Variants in RTF1 observed in about 807,000 individuals in gnomAD.
RTF1 encodes RTF1 homolog, Paf1/RNA polymerase II complex component.
RTF1 carries 10 observed loss-of-function variants against 95.7 expected under a neutral mutation model. The observed-to-expected ratio is 0.10, with a 90% CI of 0.06 to 0.18. The LOEUF is 0.18. Ranked by LOEUF, RTF1 falls within the 10% of genes least tolerant of loss-of-function variation. RTF1 has a pLI of 1.00. For synonymous variants in RTF1, 305 were observed against 311.8 expected (o/e 0.98, Z 0.23); for missense variants, 458 against 875.6 (o/e 0.52, Z 6.02).
chr15:41,466,279 T>C, intron 6 of RTF1, 27 bp downstream of exon 6: 1 of 1,416,998 alleles, frequency 7.1e-7, no homozygotes, highest in Non-Finnish European at 9.5e-7. Context: ...TAATGGCTAC[T>C]TGTGTCTTTA....
At chr15:41,432,149 T>C (rs907129620) in intron 1 of RTF1, among the ~76,000 whole-genome samples, 2 of 151,404 alleles carry the variant, frequency 1.3e-5, no homozygotes, top group African/African-American at 4.9e-5. Flanking sequence ...ATTGTACTTA[T>C]CAGATGCAGT....
Position 41,480,847 on chromosome 15 carries a change from A to G in RTF1, c.*160A>G. 1 of 621,024 alleles carries G rather than the reference A, an allele frequency of 1.6e-6. No homozygotes were observed. Among genetic ancestry groups the G allele is most frequent in the East Asian group, 2.8e-5 (1 of 36,206 alleles). The allele number at this position is 621,024 out of a possible 1,614,324, so 38.5% of individuals were successfully genotyped here. A position where few individuals can be genotyped will look rare whatever the true frequency, so the allele number is the denominator to read the frequency against. ...GTAATATAAACCATTTGCTGTATAGACCTCCTTTGTCTGCACACCATCTCC... is the reference window on the plus strand; with the variant it reads ...GTAATATAAACCATTTGCTGTATAGGCCTCCTTTGTCTGCACACCATCTCC... On this transcript the variant is annotated 3_prime_UTR_variant, in exon 18 of 18. Coordinates refer to ENST00000389629, the MANE Select transcript of RTF1 (RefSeq NM_015138.5).
intron 6 of RTF1, among the ~76,000 whole-genome samples, chr15:41,467,841 A>G (rs930955392): frequency 2.6e-5 from 4 of 152,138 alleles, no homozygotes; most frequent in Non-Finnish European, 4.4e-5. Flanking sequence ...CCTGGCCAAC[A>G]TGGTGCAAGC....
intron 2 of RTF1, among the ~76,000 whole-genome samples, chr15:41,439,198 A>AT (rs905615953): frequency 2.5e-4 from 36 of 146,516 alleles, no homozygotes; most frequent in African/African-American, 5.7e-4. Flanking sequence ...GGCCTGGCTA[A>AT]TTTTTTTTTT....
chr15:41,462,901 G>A (rs370104352), intron 4 of RTF1, among the ~76,000 whole-genome samples: 3 of 151,908 alleles, frequency 2.0e-5, no homozygotes, highest in African/African-American at 4.8e-5. Flanking sequence ...GACTATAGGC[G>A]TGTGCCACCA....
intron 4 of RTF1, among the ~76,000 whole-genome samples, chr15:41,463,484 TTTG>T (rs754638614): frequency 1.3e-5 from 2 of 152,158 alleles, no homozygotes; most frequent in African/African-American, 4.8e-5. Flanking sequence ...TTTTCCTTTT[TTTG>T]TTGTTGTTGA....
At chr15:41,477,970 G>A (rs1251463280) in intron 14 of RTF1, among the ~76,000 whole-genome samples, 1 of 152,114 alleles carries the variant, frequency 6.6e-6, no homozygotes, top group Non-Finnish European at 1.5e-5. Context: ...GCCGGACATG[G>A]TGGTGCACGC....
chr15:41,461,158 T>C (rs1441421281), intron 4 of RTF1, among the ~76,000 whole-genome samples: 1 of 151,770 alleles, frequency 6.6e-6, no homozygotes, highest in African/African-American at 2.4e-5. Flanking sequence ...TTCTCCTGCC[T>C]CAGCCTCCCC....
chr15:41,460,038 A>G (rs1379726593), intron 4 of RTF1, among the ~76,000 whole-genome samples: 3 of 151,800 alleles, frequency 2.0e-5, no homozygotes, highest in African/African-American at 7.3e-5. Context: ...GACCATATTA[A>G]GTATGCTGAG....
At chr15:41,469,508 C>T (rs960641970) in intron 6 of RTF1, among the ~76,000 whole-genome samples, 8 of 151,424 alleles carry the variant, frequency 5.3e-5, no homozygotes, top group Non-Finnish European at 1.0e-4. Flanking sequence ...AGGCATGAGT[C>T]ACCATGCCTG....
intron 1 of RTF1, among the ~76,000 whole-genome samples, chr15:41,427,198 C>T (rs1238354178): frequency 7.1e-6 from 1 of 140,326 alleles, no homozygotes; most frequent in Admixed American, 7.5e-5. Flanking sequence ...GTTGCCCAGG[C>T]CGGAGTGCAG....
chr15:41,444,926 TTTTA>T (rs1211563245), intron 2 of RTF1, among the ~76,000 whole-genome samples: 1 of 151,970 alleles, frequency 6.6e-6, no homozygotes, highest in African/African-American at 2.4e-5. Flanking sequence ...TTTTATTTTA[TTTTA>T]TTTATTTATT....
intron 8 of RTF1, 97 bp downstream of exon 8, chr15:41,471,446 C>A: frequency 7.9e-7 from 1 of 1,261,634 alleles, no homozygotes; most frequent in Non-Finnish European, 1.1e-6. Context: ...ACTCTTCTCT[C>A]AGCATTTGAT....
At chr15:41,425,435 A>T (rs2050624166) in intron 1 of RTF1, among the ~76,000 whole-genome samples, 1 of 151,942 alleles carries the variant, frequency 6.6e-6, no homozygotes, top group Non-Finnish European at 1.5e-5. Context: ...GAGACTTTGG[A>T]GTTTATTCTG....
At position 41,477,579 on chromosome 15, in the gene RTF1, C is replaced by A. The variant is rs1252412361; in HGVS notation, c.1740+64C>A. 16 of 1,452,588 alleles carry A rather than the reference C, an allele frequency of 1.1e-5. No homozygotes were observed. In the East Asian group the frequency reaches 3.2e-4, roughly 29 times the overall value. The allele number at this position is 1,452,588 out of a possible 1,614,324, so 90.0% of individuals were successfully genotyped here. On this transcript the variant is annotated intron_variant, in intron 14 of 17. Transcript: ENST00000389629. ...TTAATAAACCATGACATCTTTTCTA[C>A]ATCTTGCCTAAGTTTATTTTTTAAT...
intron 14 of RTF1, 174 bp downstream of exon 14, chr15:41,477,689 C>T: frequency 1.6e-6 from 1 of 635,440 alleles, no homozygotes; most frequent in South Asian, 1.9e-5. Flanking sequence ...TAATGAAAAG[C>T]AGCAGTCTTC....
At chr15:41,460,804 C>T (rs1006147459) in intron 4 of RTF1, among the ~76,000 whole-genome samples, 1 of 151,978 alleles carries the variant, frequency 6.6e-6, no homozygotes, top group Non-Finnish European at 1.5e-5. Context: ...AGCCAGCCTC[C>T]CACCTCAGCC....
At chr15:41,478,914 C>A in intron 15 of RTF1, 189 bp from the exon 16 acceptor site, 1 of 600,440 alleles carries the variant, frequency 1.7e-6, no homozygotes, top group Non-Finnish European at 2.9e-6. Context: ...CCTGGCTGGG[C>A]TGGGCTTGGC....
In RTF1 at chr15:41,471,365, C is replaced by T; in HGVS notation, c.1203+16C>T. 2.5e-6 allele frequency: 4 copies of T among 1,598,506 alleles called. No homozygotes were observed. Among genetic ancestry groups the T allele is most frequent in the Non-Finnish European group, 3.4e-6 (4 of 1,172,872 alleles). ...AGTTTACCGGGTTGGTATTTCTTCC[C>T]TTGGACAATTGTCCATGCTTTCAGT... On this transcript the variant is annotated intron_variant, in intron 8 of 17. Coordinates refer to ENST00000389629, the MANE Select transcript of RTF1 (RefSeq NM_015138.5).
Sources: allele counts gnomAD v4.1 joint callset (sites outside exome capture counted in the v4.1 genomes callset), GRCh38; gene constraint gnomAD v4.1.1; transcripts MANE v1.5; gene names NCBI Gene and HGNC (gene_info 2026-07-23, HGNC 2026-07-21).